OSBPL9: variants seen among roughly 807,000 people sequenced by gnomAD.
OSBPL9 encodes the protein oxysterol-binding protein-related protein 9.
OSBPL9 carries 40 observed loss-of-function variants against 106.6 expected under a neutral mutation model. The observed-to-expected ratio is 0.38, with a 90% CI of 0.29 to 0.49. OSBPL9 has a LOEUF of 0.49. Ranked by LOEUF, OSBPL9 falls within the 20% of genes least tolerant of loss-of-function variation. The pLI, the probability that OSBPL9 is intolerant of heterozygous loss-of-function variation, is 0.97. For synonymous variants in OSBPL9, 269 were observed against 295.4 expected (o/e 0.91, Z 0.92); for missense variants, 609 against 887.2 (o/e 0.69, Z 3.98).
chr1:51,736,539 A>G (rs1431173758), intron 4 of OSBPL9, among the ~76,000 whole-genome samples: 2 of 152,130 alleles, frequency 1.3e-5, no homozygotes, highest in African/African-American at 4.8e-5. Flanking sequence ...TTTGTTTTTG[A>G]AAACATTTCA....
chr1:51,716,400 T>C (rs938300555), intron 4 of OSBPL9, among the ~76,000 whole-genome samples: 4 of 152,214 alleles, frequency 2.6e-5, no homozygotes, highest in African/African-American at 9.6e-5. Flanking sequence ...GCCTCATCTA[T>C]AAAATGAGGA....
intron 3 of OSBPL9, among the ~76,000 whole-genome samples, chr1:51,679,984 T>C (rs997055241): frequency 2.0e-5 from 3 of 151,940 alleles, no homozygotes; most frequent in Non-Finnish European, 4.4e-5. Flanking sequence ...CCACAGGGGG[T>C]CTTCCTATGA....
intron 8 of OSBPL9, 111 bp downstream of exon 8, chr1:51,750,306 T>A (rs758544867): frequency 1.6e-6 from 1 of 639,958 alleles, no homozygotes; most frequent in Non-Finnish European, 2.7e-6. Flanking sequence ...CCTTTCTACA[T>A]TAAACTGTAT....
upstream of OSBPL9, among the ~76,000 whole-genome samples, chr1:51,572,984 A>T (rs959132252): frequency 1.3e-5 from 2 of 151,902 alleles, no homozygotes; most frequent in African/African-American, 4.8e-5. Flanking sequence ...GGCTGAGGTG[A>T]GCGGATCACC....
At chr1:51,521,792 C>G in the OSBPL9 span, among the ~76,000 whole-genome samples, 2 of 152,310 alleles carry the variant, frequency 1.3e-5, 1 homozygote, top group South Asian at 4.1e-4. Flanking sequence ...AGGTCTCACT[C>G]TGTCACCCAG....
chr1:51,553,019 CA>C, the OSBPL9 span, among the ~76,000 whole-genome samples: 1 of 151,642 alleles, frequency 6.6e-6, no homozygotes, highest in Admixed American at 6.6e-5. Context: ...GTGCTTTAAG[CA>C]TAAGCTTAAT....
At chr1:51,772,273 A>T in intron 13 of OSBPL9, 91 bp downstream of exon 13, 1 of 1,056,810 alleles carries the variant, frequency 9.5e-7, no homozygotes, top group Non-Finnish European at 1.4e-6. Flanking sequence ...GCACTTTGGG[A>T]GACCGAGGTG....
intron 1 of OSBPL9, among the ~76,000 whole-genome samples, chr1:51,635,459 C>T (rs1645372087): frequency 6.6e-6 from 1 of 152,162 alleles, no homozygotes; most frequent in African/African-American, 2.4e-5. Context: ...CAAAGTACAG[C>T]TTTTCAGAGT....
chr1:51,740,126 CCTTA>C (rs1406656238), intron 4 of OSBPL9: 6 of 1,548,900 alleles, frequency 3.9e-6, no homozygotes, highest in African/African-American at 2.7e-5. Context: ...TCTCTCTTTT[CCTTA>C]CTTTTATGGA....
the OSBPL9 span, among the ~76,000 whole-genome samples, chr1:51,551,493 C>T: frequency 6.6e-6 from 1 of 152,106 alleles, no homozygotes; most frequent in African/African-American, 2.4e-5. Flanking sequence ...TGTAGAATTT[C>T]AAAATAATTT....
intron 1 of OSBPL9, among the ~76,000 whole-genome samples, chr1:51,649,510 C>T (rs1276942976): frequency 2.0e-5 from 3 of 152,166 alleles, no homozygotes; most frequent in African/African-American, 7.2e-5. Flanking sequence ...TCTGTGCCTT[C>T]GCTGATGTTG....
At chr1:51,529,165 T>C in the OSBPL9 span, among the ~76,000 whole-genome samples, 1 of 152,128 alleles carries the variant, frequency 6.6e-6, no homozygotes, top group South Asian at 2.1e-4. Flanking sequence ...CTAAAATTCA[T>C]ATGGAATTTC....
intron 2 of OSBPL9, among the ~76,000 whole-genome samples, chr1:51,666,223 C>T (rs1359760632): frequency 1.3e-5 from 2 of 152,030 alleles, no homozygotes; most frequent in East Asian, 1.9e-4. Flanking sequence ...AGTTTGGTGC[C>T]GTGAGAGGAA....
At chr1:51,699,904 T>C (rs1298196149) in intron 3 of OSBPL9, among the ~76,000 whole-genome samples, 1 of 152,224 alleles carries the variant, frequency 6.6e-6, no homozygotes. Context: ...CCATATGTAT[T>C]TATCTACATG....
intron 11 of OSBPL9, among the ~76,000 whole-genome samples, chr1:51,763,643 C>T (rs1351589319): frequency 6.6e-6 from 1 of 152,084 alleles, no homozygotes; most frequent in Non-Finnish European, 1.5e-5. Flanking sequence ...TTACTTTGAT[C>T]TTTACTATTT....
At chr1:51,719,504 GT>G (rs944928263) in intron 4 of OSBPL9, among the ~76,000 whole-genome samples, 1 of 151,788 alleles carries the variant, frequency 6.6e-6, no homozygotes, top group African/African-American at 2.4e-5. Context: ...AGATTATCAA[GT>G]AAGGGATTGA....
intron 1 of OSBPL9, among the ~76,000 whole-genome samples, chr1:51,589,881 T>TA (rs1296913458): frequency 2.0e-5 from 3 of 151,334 alleles, no homozygotes; most frequent in Non-Finnish European, 4.4e-5. Context: ...AAAATAAAAA[T>TA]AATTAGCTGG....
chr1:51,662,497 A>G (rs944546327), intron 2 of OSBPL9, among the ~76,000 whole-genome samples: 1 of 152,142 alleles, frequency 6.6e-6, no homozygotes, highest in Non-Finnish European at 1.5e-5. Flanking sequence ...GTGGGAGGGC[A>G]CATCAGGAAG....
intron 3 of OSBPL9, among the ~76,000 whole-genome samples, chr1:51,680,678 A>C (rs111544180): frequency 0.019 from 2,830 of 152,066 alleles, 35 homozygotes; most frequent in South Asian, 0.027. Context: ...ACAAAAAAAA[A>C]CCATGATTTG....
Sources: allele counts gnomAD v4.1 joint callset (sites outside exome capture counted in the v4.1 genomes callset), GRCh38; gene constraint gnomAD v4.1.1; transcripts MANE v1.5; gene names NCBI Gene and HGNC (gene_info 2026-07-23, HGNC 2026-07-21).